The following COL5A2 variants were observed in gnomAD, a reference collection of about 807,000 sequenced individuals.
COL5A2 encodes the protein collagen type V alpha 2 chain, also known as collagen alpha-2(V) chain.
A neutral mutation model predicts 208.2 loss-of-function variants in COL5A2; 23 were observed. The ratio of observed to expected loss-of-function variants is 0.11; its 90% CI spans 0.08 to 0.16. The LOEUF is 0.16. Ranked by LOEUF, COL5A2 falls within the 10% of genes least tolerant of loss-of-function variation. The pLI is 1.00. For missense variants in COL5A2, 1,590 were observed against 1,956.4 expected (o/e 0.81, Z 3.53); for synonymous variants, 625 against 628.5 (o/e 0.99, Z 0.08).
the COL5A2 span, among the ~76,000 whole-genome samples, chr2:189,246,464 G>A: frequency 2.6e-5 from 4 of 152,184 alleles, no homozygotes; most frequent in Non-Finnish European, 5.9e-5. Flanking sequence ...AAGAATGTCT[G>A]AGAATAAAAA....
rs3084490 is a variant in COL5A2 at position 189,121,736 on chromosome 2, C to CA, written c.98-11288dup. ...TGGGTGACAGAGTGAGACTCCGTCT[C>CA]AAAAAAAAAAAAAAAAAAAAAAAGC... On this transcript the variant is annotated intron_variant, in intron 1 of 53. Coordinates refer to ENST00000374866, the MANE Select transcript of COL5A2 (RefSeq NM_000393.5). Among the ~76,000 whole-genome samples the CA allele has an allele frequency of 2.2e-3, 171 of 77,638 alleles. 5 individuals carry two copies. The highest frequency in any genetic ancestry group is 5.6e-3 in the African/African-American group (114 of 20,444). The allele number at this position is 77,638 out of a possible 152,430, so 50.9% of individuals were successfully genotyped here. A position where few individuals can be genotyped will look rare whatever the true frequency, so the allele number is the denominator to read the frequency against.
At chr2:189,055,463 C>T (rs1423161813) in intron 35 of COL5A2, among the ~76,000 whole-genome samples, 1 of 152,182 alleles carries the variant, frequency 6.6e-6, no homozygotes, top group East Asian at 1.9e-4. Flanking sequence ...TCTGTATGTA[C>T]AACTAAAGAA....
intron 1 of COL5A2, among the ~76,000 whole-genome samples, chr2:189,220,248 A>G (rs181967531): frequency 6.6e-6 from 1 of 152,266 alleles, no homozygotes; most frequent in East Asian, 1.9e-4. Context: ...CATTTTCTCT[A>G]TGTGTGTTAA....
chr2:189,350,042 T>C, the COL5A2 span, among the ~76,000 whole-genome samples: 1 of 152,174 alleles, frequency 6.6e-6, no homozygotes, highest in East Asian at 1.9e-4. Flanking sequence ...ATATTATAAA[T>C]ATTTATTCTT....
the COL5A2 span, among the ~76,000 whole-genome samples, chr2:189,356,370 C>A: frequency 2.0e-5 from 3 of 152,156 alleles, no homozygotes; most frequent in African/African-American, 7.2e-5. Flanking sequence ...TTCAGTTACA[C>A]CAATCAAACG....
At chr2:189,291,689 T>C in the COL5A2 span, among the ~76,000 whole-genome samples, 1 of 152,112 alleles carries the variant, frequency 6.6e-6, no homozygotes, top group Non-Finnish European at 1.5e-5. Flanking sequence ...ATAGGCAAGA[T>C]CATTTCTCGT....
In COL5A2 at chr2:189,208,722, G is replaced by A. The variant is rs1689172771; in HGVS notation, c.-42+16426C>T. Among the ~76,000 whole-genome samples, 4 of 152,194 alleles carry A rather than the reference G, an allele frequency of 2.6e-5. No homozygotes were observed. The South Asian group carries it at 6.2e-4, about 24-fold the overall frequency. On this transcript the variant is annotated intron_variant, in intron 1 of 10. Coordinates refer to the COL5A2 transcript ENST00000649966. ...GAAAGTTAAGGAAGAGAGATGATCTGTGTTTTAGAAAGTATACTACATTGG... is the reference window on the plus strand; with the variant it reads ...GAAAGTTAAGGAAGAGAGATGATCTATGTTTTAGAAAGTATACTACATTGG...
the COL5A2 span, among the ~76,000 whole-genome samples, chr2:189,353,291 T>C: frequency 2.0e-5 from 3 of 152,342 alleles, no homozygotes; most frequent in Admixed American, 6.5e-5. Context: ...TGGTTCCATA[T>C]GAAATTTAAA....
chr2:189,270,942 C>T, the COL5A2 span, among the ~76,000 whole-genome samples: 14 of 152,200 alleles, frequency 9.2e-5, no homozygotes, highest in East Asian at 2.1e-3. Context: ...AGGAATACAA[C>T]TTATGAGGGA....
chr2:189,166,902 G>A (rs1039001038), intron 1 of COL5A2, among the ~76,000 whole-genome samples: 3 of 152,188 alleles, frequency 2.0e-5, no homozygotes, highest in African/African-American at 7.2e-5. Flanking sequence ...ATGAGGCTCG[G>A]AAAGAAAAGA....
chr2:189,407,361 C>T, the COL5A2 span, among the ~76,000 whole-genome samples: 1 of 151,974 alleles, frequency 6.6e-6, no homozygotes, highest in Non-Finnish European at 1.5e-5. Flanking sequence ...TTACATCACT[C>T]AAAACATAGC....
intron 1 of COL5A2, among the ~76,000 whole-genome samples, chr2:189,174,201 T>G (rs1305775839): frequency 6.6e-6 from 1 of 152,238 alleles, no homozygotes; most frequent in African/African-American, 2.4e-5. Flanking sequence ...TCTAGAATGA[T>G]GAACACAATG....
chr2:189,283,103 G>A, the COL5A2 span, among the ~76,000 whole-genome samples: 1 of 151,920 alleles, frequency 6.6e-6, no homozygotes, highest in African/African-American at 2.4e-5. Flanking sequence ...AAATATGAAG[G>A]GATAAAGAGC....
the COL5A2 span, among the ~76,000 whole-genome samples, chr2:189,335,359 G>A: frequency 1.3e-5 from 2 of 152,036 alleles, no homozygotes; most frequent in Non-Finnish European, 2.9e-5. Flanking sequence ...CACAATTGCT[G>A]GTGGGAATGT....
the COL5A2 span, among the ~76,000 whole-genome samples, chr2:189,433,614 C>G: frequency 6.6e-6 from 1 of 152,040 alleles, no homozygotes; most frequent in Non-Finnish European, 1.5e-5. Context: ...CACATACACC[C>G]TCCCAAGACT....
chr2:189,048,291 C>A (rs1447573644), intron 44 of COL5A2, 29 bp from the exon 45 acceptor site: 2 of 1,602,340 alleles, frequency 1.2e-6, no homozygotes, highest in South Asian at 2.2e-5. Context: ...TGAAAAACTA[C>A]TTAACTGAGT....
intron 1 of COL5A2, among the ~76,000 whole-genome samples, chr2:189,125,833 C>T (rs1222363117): frequency 6.6e-6 from 1 of 152,038 alleles, no homozygotes; most frequent in Non-Finnish European, 1.5e-5. Flanking sequence ...CCATAACCCC[C>T]ATATTGTTTG....
the COL5A2 span, among the ~76,000 whole-genome samples, chr2:189,319,043 G>A: frequency 1.3e-5 from 2 of 151,970 alleles, no homozygotes; most frequent in Admixed American, 1.3e-4. Flanking sequence ...AGCTGCCAGG[G>A]ATGTCTATTT....
chr2:189,144,587 GA>G (rs1394987093), intron 1 of COL5A2, among the ~76,000 whole-genome samples: 1 of 151,332 alleles, frequency 6.6e-6, no homozygotes, highest in Admixed American at 6.6e-5. Flanking sequence ...TTTCAAGACT[GA>G]AAAAATCCAT....
Sources: allele counts gnomAD v4.1 joint callset (sites outside exome capture counted in the v4.1 genomes callset), GRCh38; gene constraint gnomAD v4.1.1; transcripts MANE v1.5; gene names NCBI Gene and HGNC (gene_info 2026-07-23, HGNC 2026-07-21).